The following ZFHX3 variants were observed in gnomAD, a reference collection of about 807,000 sequenced individuals.
ZFHX3 encodes zinc finger homeobox protein 3.
Under a neutral mutation model 279.1 loss-of-function variants are expected in ZFHX3, and 42 were observed. The ratio of observed to expected loss-of-function variants is 0.15; its 90% CI spans 0.12 to 0.19. ZFHX3 has a LOEUF of 0.19. Ranked by LOEUF, ZFHX3 falls within the 10% of genes least tolerant of loss-of-function variation. The pLI, the probability that ZFHX3 is intolerant of heterozygous loss-of-function variation, is 1.00. For synonymous variants in ZFHX3, 2,293 were observed against 1,957.8 expected (o/e 1.17, Z -4.52); for missense variants, 4,981 against 4,754.0 (o/e 1.05, Z -1.40).
intron 1 of ZFHX3, among the ~76,000 whole-genome samples, chr16:73,698,275 A>G (rs1177592936): frequency 6.6e-6 from 1 of 152,224 alleles, no homozygotes; most frequent in Non-Finnish European, 1.5e-5. Flanking sequence ...AAAAAATGGA[A>G]GAGAAAAGAT....
At chr16:73,377,535 C>T (rs1333482391) in intron 3 of ZFHX3, among the ~76,000 whole-genome samples, 2 of 152,102 alleles carry the variant, frequency 1.3e-5, no homozygotes, top group African/African-American at 4.8e-5. Flanking sequence ...TAAAGATGAG[C>T]ACCACTGTCT....
intron 2 of ZFHX3, among the ~76,000 whole-genome samples, chr16:73,634,277 G>A (rs2052506651): frequency 6.6e-6 from 1 of 151,630 alleles, no homozygotes; most frequent in South Asian, 2.1e-4. Flanking sequence ...AAAAAGGGAT[G>A]AATTCTACTC....
chr16:73,691,271 A>C (rs1349587576), intron 1 of ZFHX3, among the ~76,000 whole-genome samples: 1 of 152,174 alleles, frequency 6.6e-6, no homozygotes, highest in Non-Finnish European at 1.5e-5. Flanking sequence ...GCAAACCTCC[A>C]GAAGCCGCAC....
intron 1 of ZFHX3, among the ~76,000 whole-genome samples, chr16:73,884,864 C>T (rs921095321): frequency 6.6e-5 from 10 of 152,138 alleles, no homozygotes; most frequent in Admixed American, 5.2e-4. Flanking sequence ...TTGTCCTCTT[C>T]CCAGAATTAG....
intron 1 of ZFHX3, among the ~76,000 whole-genome samples, chr16:73,873,831 G>A (rs933979175): frequency 2.6e-5 from 4 of 152,016 alleles, no homozygotes; most frequent in South Asian, 2.1e-4. Flanking sequence ...AATGGCAAAC[G>A]GCAAACATCC....
chr16:73,575,240 C>T (rs888602898), intron 2 of ZFHX3, among the ~76,000 whole-genome samples: 1 of 152,208 alleles, frequency 6.6e-6, no homozygotes, highest in Non-Finnish European at 1.5e-5. Context: ...AGGATTCCAA[C>T]TAATTTGTCC....
At chr16:73,028,624 A>T (rs1361788661) in intron 1 of ZFHX3, among the ~76,000 whole-genome samples, 1 of 152,018 alleles carries the variant, frequency 6.6e-6, no homozygotes, top group East Asian at 1.9e-4. Flanking sequence ...TTCCATCTCC[A>T]ATAACCTCAA....
chr16:73,031,867 G>T (rs1249232876), intron 1 of ZFHX3, among the ~76,000 whole-genome samples: 2 of 152,144 alleles, frequency 1.3e-5, no homozygotes, highest in Non-Finnish European at 2.9e-5. Flanking sequence ...AGTGGGGAAG[G>T]GGGGTGAAGG....
At chr16:73,104,559 C>A (rs1400589782) in intron 7 of ZFHX3, among the ~76,000 whole-genome samples, 1 of 152,096 alleles carries the variant, frequency 6.6e-6, no homozygotes, top group South Asian at 2.1e-4. Flanking sequence ...ACCATTTGGG[C>A]AAATCTCTCA....
intron 3 of ZFHX3, among the ~76,000 whole-genome samples, chr16:73,414,008 C>G (rs958607911): frequency 2.0e-5 from 3 of 152,226 alleles, no homozygotes; most frequent in African/African-American, 4.8e-5. Flanking sequence ...AAGGCCCTGA[C>G]AAGTCCTGCA....
intron 1 of ZFHX3, among the ~76,000 whole-genome samples, chr16:73,810,949 C>T (rs1329049198): frequency 6.6e-6 from 1 of 152,040 alleles, no homozygotes; most frequent in Non-Finnish European, 1.5e-5. Flanking sequence ...CTAAATTCTT[C>T]CTTTCTCTGG....
At chr16:73,853,253 G>T (rs1350490525) in intron 1 of ZFHX3, among the ~76,000 whole-genome samples, 1 of 152,108 alleles carries the variant, frequency 6.6e-6, no homozygotes, top group East Asian at 1.9e-4. Context: ...CAAACTCGAT[G>T]GACAACAATA....
chr16:73,634,461 T>TATATATAA (rs1567538532), intron 2 of ZFHX3, among the ~76,000 whole-genome samples: 22 of 140,964 alleles, frequency 1.6e-4, no homozygotes, highest in Admixed American at 4.2e-4. Flanking sequence ...TATATATATA[T>TATATATAA]AAAATATATA....
At chr16:72,852,455 A>G (rs2143844797) in intron 4 of ZFHX3, among the ~76,000 whole-genome samples, 1 of 152,370 alleles carries the variant, frequency 6.6e-6, no homozygotes, top group Middle Eastern at 3.4e-3. Flanking sequence ...GAAGAATTTA[A>G]GAACTTCACA....
At chr16:73,631,069 G>T (rs1488851972) in intron 2 of ZFHX3, among the ~76,000 whole-genome samples, 1 of 152,178 alleles carries the variant, frequency 6.6e-6, no homozygotes, top group African/African-American at 2.4e-5. Flanking sequence ...GAAACCACAG[G>T]CCTGATTCCT....
At chr16:73,876,776 C>T (rs2029961824) in intron 1 of ZFHX3, among the ~76,000 whole-genome samples, 2 of 152,086 alleles carry the variant, frequency 1.3e-5, no homozygotes, top group South Asian at 4.1e-4. Flanking sequence ...CCATGTAAAA[C>T]AACCCCCTAG....
intron 1 of ZFHX3, among the ~76,000 whole-genome samples, chr16:73,768,408 T>C (rs2053978615): frequency 6.6e-6 from 1 of 152,206 alleles, no homozygotes; most frequent in Admixed American, 6.5e-5. Flanking sequence ...AATGTTACTT[T>C]TATATTATTA....
chr16:73,849,665 A>G (rs1486030744), intron 1 of ZFHX3, among the ~76,000 whole-genome samples: 2 of 152,244 alleles, frequency 1.3e-5, no homozygotes, highest in African/African-American at 2.4e-5. Flanking sequence ...TCGAAGATAT[A>G]TAAGTGAATT....
At chr16:72,994,638 A>T (rs1963213871) in intron 1 of ZFHX3, among the ~76,000 whole-genome samples, 1 of 152,312 alleles carries the variant, frequency 6.6e-6, no homozygotes, top group Non-Finnish European at 1.5e-5. Context: ...GCTGGCCCGC[A>T]CATCTGCAGG....
Sources: allele counts gnomAD v4.1 joint callset (sites outside exome capture counted in the v4.1 genomes callset), GRCh38; gene constraint gnomAD v4.1.1; transcripts MANE v1.5; gene names NCBI Gene and HGNC (gene_info 2026-07-23, HGNC 2026-07-21).